The following ANKS3 variants were observed in gnomAD, a reference collection of about 807,000 sequenced individuals.
The protein encoded by ANKS3 is ankyrin repeat and sterile alpha motif domain containing 3.
Under a neutral mutation model 80.7 loss-of-function variants are expected in ANKS3, and 62 were observed. That is an observed-to-expected ratio of 0.77 (90% CI 0.63 to 0.95). ANKS3 has a LOEUF of 0.95. Ranked by LOEUF, ANKS3 falls within the 40% of genes least tolerant of loss-of-function variation. The pLI, the probability that ANKS3 is intolerant of heterozygous loss-of-function variation, is 0.00. For synonymous variants in ANKS3, 489 were observed against 355.3 expected, an observed-to-expected ratio of 1.38 and a Z score of -4.23; for missense variants, 1,150 against 883.6, an observed-to-expected ratio of 1.30 and a Z score of -3.82.
intron 6 of ANKS3, among the ~76,000 whole-genome samples, chr16:4,724,051 C>T (rs1020966743): frequency 1.3e-5 from 2 of 152,088 alleles, no homozygotes; most frequent in Non-Finnish European, 2.9e-5. Flanking sequence ...CAGGGCAACA[C>T]CATGTCTCAA....
At position 4,701,314 on chromosome 16, in the gene ANKS3, T is replaced by A. The variant is rs560985943; in HGVS notation, c.1119+120A>T. On this transcript the variant is annotated intron_variant, in intron 10 of 17. Coordinates refer to ENST00000304283, the MANE Select transcript of ANKS3 (RefSeq NM_133450.4). ...AGACCCTGGACACAGCACGTCCCAG[T>A]GCAGCACACACGTGCAGCAGCTGCT... 144 of 1,327,640 alleles carry A rather than the reference T, an allele frequency of 1.1e-4. 2 individuals are homozygous for A. The South Asian group carries it at 1.9e-3, about 17-fold the overall frequency. 82.2% of individuals were successfully genotyped at this position (1,327,640 alleles called of 1,614,324 possible).
At chr16:4,718,616 G>T (rs1052427152) in intron 6 of ANKS3, among the ~76,000 whole-genome samples, 3 of 152,214 alleles carry the variant, frequency 2.0e-5, no homozygotes, top group Non-Finnish European at 4.4e-5. Flanking sequence ...CCCTCCTCTG[G>T]CTCCAGGTGG....
chr16:4,704,634 G>A (rs2080089364), intron 8 of ANKS3, among the ~76,000 whole-genome samples: 1 of 152,196 alleles, frequency 6.6e-6, no homozygotes, highest in African/African-American at 2.4e-5. Context: ...CTCTCAGGAG[G>A]GTCTGAGTAC....
At chr16:4,717,832 G>C (rs1344402896) in intron 6 of ANKS3, among the ~76,000 whole-genome samples, 1 of 151,336 alleles carries the variant, frequency 6.6e-6, no homozygotes, top group African/African-American at 2.4e-5. Flanking sequence ...GTCTCACTCT[G>C]TCACCCAGGC....
Position 4,697,413 on chromosome 16 carries a change from G to A in ANKS3, c.1814C>T (p.Ser605Phe). Residue 605 changes from serine (S) to phenylalanine (F), a missense_variant, in exon 16 of 18, where the codon TCC (serine) becomes TTC (phenylalanine). Transcript: ENST00000304283. Reference sequence around the variant, plus strand: ...CTGCAGGGACGCTTGCCAGCCCTTGGAGTCTGTGGTGCAGGTGCAGGGACC... The same window carrying A: ...CTGCAGGGACGCTTGCCAGCCCTTGAAGTCTGTGGTGCAGGTGCAGGGACC... ...TLGLAVPPAD[S>F]KGWQASLQAM... is the part of the protein sequence containing the mutation. 1 of 1,604,224 alleles carries A rather than the reference G, an allele frequency of 6.2e-7. No homozygotes were observed.
rs2080117697 is a variant in ANKS3 at position 4,705,157 on chromosome 16, G to A, written c.806C>T (p.Pro269Leu). The A allele has an allele frequency of 1.9e-6, 3 of 1,613,704 alleles. No individual in the cohort carries two copies. Among genetic ancestry groups the A allele is most frequent in the Non-Finnish European group, 1.7e-6 (2 of 1,180,036 alleles). Residue 269 changes from proline to leucine, a missense_variant, in exon 8 of 18, where the codon CCG becomes CTG. Coordinates refer to ENST00000304283, the MANE Select transcript of ANKS3 (RefSeq NM_133450.4). Reference protein sequence around the residue: ...RKKGVSIHEGPRALARITGIG... With the variant: ...RKKGVSIHEGLRALARITGIG... ...GCCTGTGATCCTGGCCAGGGCTCGCGGTCCCTCGTGGATGCTGACACCCTT... is the reference window on the plus strand; with the variant it reads ...GCCTGTGATCCTGGCCAGGGCTCGCAGTCCCTCGTGGATGCTGACACCCTT...
intron 1 of ANKS3, 75 bp downstream of exon 1, chr16:4,733,863 G>C: frequency 1.0e-6 from 1 of 953,026 alleles, no homozygotes; most frequent in Non-Finnish European, 1.2e-6. Context: ...ACCCCCTCTC[G>C]CCCCGTGGAA....
At position 4,697,388 on chromosome 16, in the gene ANKS3, C is replaced by T. The variant is rs371595485; in HGVS notation, c.1839G>A (p.Gln613=). 1 of 1,609,764 alleles carries T rather than the reference C, an allele frequency of 6.2e-7. No homozygotes were observed. Among genetic ancestry groups the T allele is most frequent in the East Asian group, 2.2e-5 (1 of 44,794 alleles). The change falls in exon 16 of 18, where the codon CAG becomes CAA. Residue 613 remains glutamine (Q), a synonymous_variant. Coordinates refer to ENST00000304283, the MANE Select transcript of ANKS3 (RefSeq NM_133450.4). ...ADSKGWQASL[Q]AMSLPELSGA... ...CCGAGAGCTCGGGGAGGCTCATGGCCTGCAGGGACGCTTGCCAGCCCTTGG... is the reference window on the plus strand; with the variant it reads ...CCGAGAGCTCGGGGAGGCTCATGGCTTGCAGGGACGCTTGCCAGCCCTTGG...
At position 4,701,123 on chromosome 16, in the gene ANKS3, AT is replaced by A. The variant is rs1215826908; in HGVS notation, c.1130del (p.His377LeufsTer15). Reference sequence around the variant, plus strand: ...GTTTGCGAGCTGAGCTTTTACAGGCATGATCCGAGTCCTGCAGTGAGAGGCG... The same window carrying A: ...GTTTGCGAGCTGAGCTTTTACAGGCAGATCCGAGTCCTGCAGTGAGAGGCG... Reference protein sequence around the residue: ...ASVESNEDSDHACKSSARKQA... With the variant: ...ASVESNEDSDXACKSSARKQA... On this transcript the variant is annotated frameshift_variant, in exon 11 of 18. Transcript: ENST00000304283. LOFTEE classifies it high-confidence loss of function. The A allele has an allele frequency of 1.2e-6, 2 of 1,613,800 alleles. No individual in the cohort carries two copies. Among genetic ancestry groups the A allele is most frequent in the African/African-American group, 2.7e-5 (2 of 74,916 alleles).
chr16:4,722,929 CAAA>C (rs969402269), intron 6 of ANKS3, among the ~76,000 whole-genome samples: 7 of 91,830 alleles, frequency 7.6e-5, no homozygotes, highest in Admixed American at 2.4e-4. Context: ...CTTCTGTCTC[CAAA>C]AAAAAAAAAA....
At chr16:4,722,330 C>G (rs2081145028) in intron 6 of ANKS3, among the ~76,000 whole-genome samples, 1 of 151,542 alleles carries the variant, frequency 6.6e-6, no homozygotes. Flanking sequence ...CCTGTAATCC[C>G]AGCACTTTGG....
chr16:4,698,247 C>T, intron 14 of ANKS3, 180 bp downstream of exon 14: 1 of 1,143,130 alleles, frequency 8.7e-7, no homozygotes. Flanking sequence ...ATTCCCGGAC[C>T]CAACTCCTGC....
chr16:4,710,018 A>C (rs1033676876), intron 7 of ANKS3, among the ~76,000 whole-genome samples: 2 of 152,176 alleles, frequency 1.3e-5, no homozygotes, highest in African/African-American at 4.8e-5. Context: ...CTCAAAAACC[A>C]AACAAACAAC....
rs777973229 is a variant in ANKS3 at position 4,705,262 on chromosome 16, A to C, written c.710-9T>G. ...CAGATCTTCGTACTTTTCTGTGATC[A>C]AACACCAAGATTAAGATAGTGTGTT... On this transcript the variant is annotated splice_polypyrimidine_tract_variant and intron_variant, in intron 7 of 17. Coordinates refer to ENST00000304283, the MANE Select transcript of ANKS3 (RefSeq NM_133450.4). 2 of 1,613,560 alleles carry C rather than the reference A, an allele frequency of 1.2e-6. No homozygotes were observed. The highest frequency in any genetic ancestry group is 1.7e-6 in the Non-Finnish European group (2 of 1,179,858).
chr16:4,701,869 A>G (rs1274969034), intron 9 of ANKS3: 5 of 523,418 alleles, frequency 9.6e-6, no homozygotes, highest in Non-Finnish European at 1.6e-5. Flanking sequence ...GGGGCTCCCA[A>G]GCAAGGAGCT....
Position 4,719,356 on chromosome 16 carries a change from A to G in ANKS3, c.574-5170T>C, listed in dbSNP as rs966253116. Among the ~76,000 whole-genome samples, 6 of 152,198 alleles carry G rather than the reference A, an allele frequency of 3.9e-5. No individual in the cohort carries two copies. In the East Asian group the frequency reaches 5.8e-4, roughly 15 times the overall value. On this transcript the variant is annotated intron_variant, in intron 6 of 17. Transcript: ENST00000304283. ...TCAAAAAGAAACAAACATACAATCA[A>G]AAATTATAAGAGTACATATCTCTTA...
At chr16:4,704,977 G>A (rs1160396937) in intron 8 of ANKS3, 118 bp downstream of exon 8, 24 of 1,371,396 alleles carry the variant, frequency 1.8e-5, no homozygotes, top group Non-Finnish European at 2.3e-5. Context: ...CACCTGTCCC[G>A]CTGCCACCTG....
chr16:4,732,344 C>T (rs572518010), intron 1 of ANKS3, among the ~76,000 whole-genome samples: 23 of 152,274 alleles, frequency 1.5e-4, no homozygotes, highest in South Asian at 4.1e-4. Flanking sequence ...GGGCATGTCT[C>T]TTCCACGCCA....
intron 6 of ANKS3, among the ~76,000 whole-genome samples, chr16:4,719,490 G>A (rs1485359689): frequency 2.0e-5 from 3 of 152,036 alleles, no homozygotes; most frequent in Non-Finnish European, 4.4e-5. Flanking sequence ...TCTAGTTCAT[G>A]TCAGCAGGAT....
Sources: allele counts gnomAD v4.1 joint callset (sites outside exome capture counted in the v4.1 genomes callset), GRCh38; gene constraint gnomAD v4.1.1; transcripts MANE v1.5; gene names NCBI Gene and HGNC (gene_info 2026-07-23, HGNC 2026-07-21).